Variants in CCDC81 observed in about 807,000 individuals in gnomAD.
CCDC81 encodes coiled-coil domain containing 81.
A neutral mutation model predicts 83.7 loss-of-function variants in CCDC81; 79 were observed. The ratio of observed to expected loss-of-function variants is 0.94; its 90% confidence interval spans 0.79 to 1.14. The LOEUF is 1.14. Ranked by LOEUF, CCDC81 falls within the 50% of genes most tolerant of loss-of-function variation. The pLI, the probability that CCDC81 is intolerant of heterozygous loss-of-function variation, is 0.00. For missense variants in CCDC81, 791 were observed against 778.1 expected, an observed-to-expected ratio of 1.02 and a Z score of -0.20; for synonymous variants, 252 against 278.1, an observed-to-expected ratio of 0.91 and a Z score of 0.93.
In CCDC81 at chr11:86,388,631, A is replaced by G. The variant is rs118139745; in HGVS notation, c.298+959A>G. ...TTAGAAAAACAAATGTCAACAAACC[A>G]TACTTAGAATTTCTTAGGTATATAT... On this transcript the variant is annotated intron_variant, in intron 3 of 14. Transcript: ENST00000445632. Among the ~76,000 whole-genome samples, 216 of 152,368 alleles carry G rather than the reference A, an allele frequency of 1.4e-3. 1 individual carries two copies. Among genetic ancestry groups the G allele is most frequent in the Non-Finnish European group, 2.5e-3 (171 of 68,028 alleles).
chr11:86,375,669 GA>G (rs1184020494), intron 1 of CCDC81, among the ~76,000 whole-genome samples: 1 of 152,248 alleles, frequency 6.6e-6, no homozygotes, highest in African/African-American at 2.4e-5. Flanking sequence ...GTTGTATTAA[GA>G]AAATGAGATG....
intron 1 of CCDC81, among the ~76,000 whole-genome samples, chr11:86,377,676 A>G (rs1422218670): frequency 2.6e-5 from 4 of 152,088 alleles, no homozygotes; most frequent in African/African-American, 7.2e-5. Flanking sequence ...TATATTTTGC[A>G]TGACAGTGTC....
At chr11:86,394,255 C>G (rs1948372891) in intron 4 of CCDC81, among the ~76,000 whole-genome samples, 1 of 152,218 alleles carries the variant, frequency 6.6e-6, no homozygotes, top group South Asian at 2.1e-4. Context: ...ACCTGCTGAA[C>G]TGTAAAGCAC....
chr11:86,420,538 A>T (rs1382757727), intron 14 of CCDC81, among the ~76,000 whole-genome samples: 2 of 152,152 alleles, frequency 1.3e-5, no homozygotes, highest in Admixed American at 1.3e-4. Flanking sequence ...TATTCACATC[A>T]CTACTGTTGT....
chr11:86,404,466 C>A (rs952279763), intron 7 of CCDC81, among the ~76,000 whole-genome samples: 2 of 152,080 alleles, frequency 1.3e-5, no homozygotes, highest in African/African-American at 4.8e-5. Flanking sequence ...GTTTTGCAAC[C>A]CCTGCTCTAA....
intron 10 of CCDC81, among the ~76,000 whole-genome samples, chr11:86,410,683 T>C (rs1479490506): frequency 1.3e-5 from 2 of 152,236 alleles, no homozygotes; most frequent in African/African-American, 4.8e-5. Flanking sequence ...GATATATCTA[T>C]ACACATCTTA....
At position 86,408,284 on chromosome 11, in the gene CCDC81, T is replaced by C. The variant is rs1948591061; in HGVS notation, c.1113+14T>C. 6.3e-7 allele frequency: 1 copy of C among 1,599,548 alleles called. No homozygotes were observed. The highest frequency in any genetic ancestry group is 8.5e-7 in the Non-Finnish European group (1 of 1,174,612). ...TTCAGACACCAGGTAGTCCAACACC[T>C]CGATTAGTCTTTAATATGGGGCAAT... On this transcript the variant is annotated intron_variant, in intron 9 of 14. Coordinates refer to ENST00000445632, the MANE Select transcript of CCDC81 (RefSeq NM_001156474.2).
At chr11:86,376,707 C>T (rs748248990) in intron 1 of CCDC81, among the ~76,000 whole-genome samples, 4 of 152,240 alleles carry the variant, frequency 2.6e-5, no homozygotes, top group Non-Finnish European at 5.9e-5. Context: ...AGATGTCCCA[C>T]ATACTGTCTA....
chr11:86,379,065 C>T (rs917081899), intron 1 of CCDC81, among the ~76,000 whole-genome samples: 20 of 151,340 alleles, frequency 1.3e-4, no homozygotes, highest in Non-Finnish European at 2.1e-4. Flanking sequence ...GAGCATTTTA[C>T]GATTCCATTT....
At chr11:86,418,728 T>C (rs977074025) in intron 13 of CCDC81, among the ~76,000 whole-genome samples, 1 of 152,038 alleles carries the variant, frequency 6.6e-6, no homozygotes, top group Admixed American at 6.5e-5. Context: ...GAGGCAGAAA[T>C]GGGGAGTTGT....
chr11:86,408,873 A>G (rs1003014991), intron 9 of CCDC81, among the ~76,000 whole-genome samples: 2 of 152,186 alleles, frequency 1.3e-5, no homozygotes, highest in African/African-American at 4.8e-5. Context: ...CTGATAAAAT[A>G]TAACTCTGGT....
intron 10 of CCDC81, among the ~76,000 whole-genome samples, chr11:86,411,756 C>T (rs1948644218): frequency 6.6e-6 from 1 of 152,184 alleles, no homozygotes; most frequent in African/African-American, 2.4e-5. Context: ...ACCCAATAGT[C>T]CCACAGACAG....
intron 7 of CCDC81, among the ~76,000 whole-genome samples, chr11:86,404,763 G>A (rs567491460): frequency 8.5e-5 from 13 of 152,292 alleles, no homozygotes; most frequent in African/African-American, 3.1e-4. Context: ...GGTCAGAGTC[G>A]AGCATTTGCA....
intron 7 of CCDC81, among the ~76,000 whole-genome samples, chr11:86,402,810 T>C (rs1948511617): frequency 6.6e-6 from 1 of 152,042 alleles, no homozygotes; most frequent in Admixed American, 6.6e-5. Context: ...GTTTTTAACC[T>C]ATGTTTGTTT....
intron 13 of CCDC81, among the ~76,000 whole-genome samples, chr11:86,417,707 T>G (rs936961533): frequency 1.3e-5 from 2 of 152,086 alleles, no homozygotes; most frequent in African/African-American, 2.4e-5. Flanking sequence ...TTCCCAAAAG[T>G]GGGGCTGCTG....
At chr11:86,408,491 A>T (rs1435214994) in intron 9 of CCDC81, among the ~76,000 whole-genome samples, 1 of 151,922 alleles carries the variant, frequency 6.6e-6, no homozygotes, top group Non-Finnish European at 1.5e-5. Context: ...ACGTCACTAC[A>T]CCTGGCTAAT....
At chr11:86,396,659 G>T (rs1038287762) in intron 5 of CCDC81, among the ~76,000 whole-genome samples, 7 of 152,042 alleles carry the variant, frequency 4.6e-5, no homozygotes, top group African/African-American at 1.7e-4. Context: ...CTTAGAGGTT[G>T]TTTTCCAACC....
At chr11:86,420,181 A>C in intron 14 of CCDC81, 128 bp downstream of exon 14, 3 of 1,065,946 alleles carry the variant, frequency 2.8e-6, no homozygotes, top group Non-Finnish European at 4.1e-6. Context: ...TCTGTATTCC[A>C]TGGGAAATAC....
chr11:86,418,864 G>T (rs1467996954), intron 13 of CCDC81, among the ~76,000 whole-genome samples: 1 of 151,468 alleles, frequency 6.6e-6, no homozygotes, highest in Non-Finnish European at 1.5e-5. Flanking sequence ...TTTGTTATGT[G>T]TTTTTTTAAA....
Sources: allele counts gnomAD v4.1 joint callset (sites outside exome capture counted in the v4.1 genomes callset), GRCh38; gene constraint gnomAD v4.1.1; transcripts MANE v1.5; gene names NCBI Gene and HGNC (gene_info 2026-07-23, HGNC 2026-07-21).